The following P3H2 variants were observed in gnomAD, a reference collection of about 807,000 sequenced individuals.
P3H2 encodes the protein leprecan-like 1.
Under a neutral mutation model 87.0 loss-of-function variants are expected in P3H2, and 80 were observed. The ratio of observed to expected loss-of-function variants is 0.92; its 90% CI spans 0.77 to 1.11. The LOEUF (loss-of-function observed/expected upper bound fraction) is 1.11, where lower values mean the gene tolerates loss of function less well. P3H2 is among the 50% of genes least tolerant of loss of function. The pLI is 0.00. For missense variants in P3H2, 1,001 were observed against 923.9 expected (o/e 1.08, Z -1.08); for synonymous variants, 367 against 359.3 (o/e 1.02, Z -0.24).
chr3:190,075,213 C>T (rs2108975612), intron 1 of P3H2, among the ~76,000 whole-genome samples: 1 of 152,320 alleles, frequency 6.6e-6, no homozygotes, highest in South Asian at 2.1e-4. Context: ...CAGCTGGGCA[C>T]AGTGGCTCAT....
chr3:190,045,471 C>T (rs1315177054), intron 1 of P3H2, among the ~76,000 whole-genome samples: 1 of 152,042 alleles, frequency 6.6e-6, no homozygotes, highest in Non-Finnish European at 1.5e-5. Context: ...TTTTCCTTCC[C>T]CCCAACCAAA....
intron 1 of P3H2, among the ~76,000 whole-genome samples, chr3:190,028,954 G>T (rs1725170329): frequency 6.6e-6 from 1 of 152,182 alleles, no homozygotes; most frequent in Non-Finnish European, 1.5e-5. Flanking sequence ...AGAGGAGTGT[G>T]GGGGAAGCCA....
intron 3 of P3H2, 46 bp downstream of exon 3, chr3:189,994,048 A>G (rs760481290): frequency 6.9e-7 from 1 of 1,447,654 alleles, no homozygotes; most frequent in Non-Finnish European, 9.6e-7. Flanking sequence ...TGCAAGTAGT[A>G]TTTTTATAAT....
At chr3:190,051,524 T>C (rs1725983366) in intron 1 of P3H2, among the ~76,000 whole-genome samples, 1 of 152,196 alleles carries the variant, frequency 6.6e-6, no homozygotes, top group African/African-American at 2.4e-5. Context: ...AAGAGCCAAT[T>C]TTTACAAGTT....
intron 8 of P3H2, among the ~76,000 whole-genome samples, chr3:189,975,454 T>G (rs2108910864): frequency 6.6e-6 from 1 of 152,202 alleles, no homozygotes; most frequent in South Asian, 2.1e-4. Flanking sequence ...ACAAAGCCTC[T>G]GATAGAGAGG....
chr3:190,035,575 G>A (rs1286401375), intron 1 of P3H2, among the ~76,000 whole-genome samples: 1 of 152,016 alleles, frequency 6.6e-6, no homozygotes, highest in Non-Finnish European at 1.5e-5. Flanking sequence ...TACCAGCTAT[G>A]ATGTATATAG....
chr3:189,986,657 T>C (rs1483901604), intron 6 of P3H2, 131 bp downstream of exon 6: 2 of 710,726 alleles, frequency 2.8e-6, no homozygotes, highest in Non-Finnish European at 5.1e-6. Context: ...CCACCCCCAA[T>C]TTTTACCTCA....
At chr3:190,059,568 T>C (rs1412429186) in intron 1 of P3H2, among the ~76,000 whole-genome samples, 1 of 152,096 alleles carries the variant, frequency 6.6e-6, no homozygotes, top group Non-Finnish European at 1.5e-5. Context: ...ATTTTCCTAT[T>C]TGTCATTATC....
At chr3:190,091,836 A>C (rs1171123395) in intron 1 of P3H2, among the ~76,000 whole-genome samples, 1 of 152,240 alleles carries the variant, frequency 6.6e-6, no homozygotes, top group Non-Finnish European at 1.5e-5. Flanking sequence ...GAGATATTAA[A>C]GAAAGGGAAG....
intron 14 of P3H2, among the ~76,000 whole-genome samples, chr3:189,960,682 C>G (rs2108901086): frequency 6.6e-6 from 1 of 152,314 alleles, no homozygotes; most frequent in East Asian, 1.9e-4. Context: ...TGACTTCAAG[C>G]TCCTTGAAAA....
intron 1 of P3H2, among the ~76,000 whole-genome samples, chr3:190,119,136 AGAGGGGAGGGGAGGG>A (rs1217756973): frequency 5.0e-4 from 13 of 25,962 alleles, no homozygotes; most frequent in Admixed American, 2.7e-3. Flanking sequence ...AGAGGAGAGG[AGAGGGGAGGGGAGGG>A]GAGGGGAGGG....
rs190402609 is a variant in P3H2 at position 190,056,782 on chromosome 3, G to A, written c.481-61340C>T. ...AGCGGTCTATTTCTATAAATCCAAG[G>A]AGCTGGATTAGAAAAGCACACGCAG... On this transcript the variant is annotated intron_variant, in intron 1 of 14. Transcript: ENST00000319332. Among the ~76,000 whole-genome samples, 52 of 152,252 alleles carry A rather than the reference G, an allele frequency of 3.4e-4. No homozygotes were observed. The East Asian group carries it at 8.3e-3, about 24-fold the overall frequency.
At chr3:190,078,115 C>T (rs1357067649) in intron 1 of P3H2, among the ~76,000 whole-genome samples, 1 of 152,164 alleles carries the variant, frequency 6.6e-6, no homozygotes, top group Non-Finnish European at 1.5e-5. Flanking sequence ...TTCTCAAGGG[C>T]TAATGGAGTA....
At chr3:190,033,115 G>A (rs1025609270) in intron 1 of P3H2, among the ~76,000 whole-genome samples, 9 of 152,098 alleles carry the variant, frequency 5.9e-5, no homozygotes, top group African/African-American at 2.2e-4. Flanking sequence ...TAGCGCTCGC[G>A]CTCCTAAGAG....
intron 13 of P3H2, chr3:189,969,163 C>T (rs1054038673): frequency 1.9e-5 from 12 of 642,852 alleles, no homozygotes; most frequent in South Asian, 4.9e-5. Context: ...CTGTAAGTCC[C>T]GGTCCACCAA....
chr3:190,049,890 C>T (rs1369138609), intron 1 of P3H2, among the ~76,000 whole-genome samples: 2 of 152,002 alleles, frequency 1.3e-5, no homozygotes, highest in South Asian at 2.1e-4. Context: ...TTGGGAAATG[C>T]CGGGTTACAC....
intron 1 of P3H2, among the ~76,000 whole-genome samples, chr3:190,071,369 G>C (rs980098454): frequency 2.0e-5 from 3 of 152,194 alleles, no homozygotes; most frequent in Non-Finnish European, 4.4e-5. Context: ...ATATGTTTAA[G>C]TTCTTTCCTG....
At chr3:190,080,496 G>T (rs112227949) in intron 1 of P3H2, among the ~76,000 whole-genome samples, 3 of 152,074 alleles carry the variant, frequency 2.0e-5, no homozygotes, top group African/African-American at 7.2e-5. Flanking sequence ...TGCCTCCCAG[G>T]TGCAAGTGAT....
chr3:190,041,035 TATACACACACACACAC>T (rs1328082255), intron 1 of P3H2, among the ~76,000 whole-genome samples: 2 of 39,792 alleles, frequency 5.0e-5, no homozygotes, highest in African/African-American at 2.7e-4. Context: ...TATATATATA[TATACACACACACACAC>T]ACACACACAC....
Sources: gnomAD v4.1 joint callset for allele counts (sites outside exome capture counted in the v4.1 genomes callset) on GRCh38, gnomAD v4.1.1 for gene constraint, MANE v1.5 for transcripts, NCBI Gene and HGNC (gene_info 2026-07-23, HGNC 2026-07-21) for gene names.